ZBTB20: variants seen among roughly 807,000 people sequenced by gnomAD.
The protein encoded by ZBTB20 is zinc finger and BTB domain containing 20, also known as zinc finger and BTB domain-containing protein 20.
A neutral mutation model predicts 56.9 loss-of-function variants in ZBTB20; 9 were observed. The ratio of observed to expected loss-of-function variants is 0.16; its 90% CI spans 0.10 to 0.28. The LOEUF is 0.28. Among genes scored for constraint, ZBTB20 ranks in the 10% least tolerant of loss-of-function variants. The pLI is 1.00. For missense variants in ZBTB20, 655 were observed against 1,003.0 expected, an observed-to-expected ratio of 0.65 and a Z score of 4.69; for synonymous variants, 417 against 420.7, an observed-to-expected ratio of 0.99 and a Z score of 0.11.
intron 6 of ZBTB20, among the ~76,000 whole-genome samples, chr3:114,612,345 C>G (rs1408883530): frequency 6.6e-6 from 1 of 152,090 alleles, no homozygotes; most frequent in Non-Finnish European, 1.5e-5. Flanking sequence ...TTACTAGTCT[C>G]TGCAATAAGA....
At chr3:114,974,646 G>A (rs537751730) in intron 2 of ZBTB20, among the ~76,000 whole-genome samples, 31 of 152,232 alleles carry the variant, frequency 2.0e-4, no homozygotes, top group African/African-American at 6.3e-4. Context: ...GGCATAGCAC[G>A]GTGTTTGCTA....
At chr3:114,667,843 G>A (rs933684462) in intron 6 of ZBTB20, among the ~76,000 whole-genome samples, 1 of 151,836 alleles carries the variant, frequency 6.6e-6, no homozygotes, top group Non-Finnish European at 1.5e-5. Flanking sequence ...ATTAATGAGA[G>A]GTAGCATTAT....
intron 2 of ZBTB20, among the ~76,000 whole-genome samples, chr3:114,993,097 G>T (rs2078886239): frequency 6.6e-6 from 1 of 151,742 alleles, no homozygotes; most frequent in African/African-American, 2.4e-5. Context: ...GCTTTTTTAG[G>T]CAGATAATAT....
intron 6 of ZBTB20, among the ~76,000 whole-genome samples, chr3:114,525,710 T>C (rs2047144610): frequency 6.6e-6 from 1 of 152,206 alleles, no homozygotes; most frequent in South Asian, 2.1e-4. Flanking sequence ...TACAGTATAC[T>C]CAGTAAAAAC....
intron 6 of ZBTB20, among the ~76,000 whole-genome samples, chr3:114,570,063 G>C (rs972653171): frequency 1.3e-5 from 2 of 151,646 alleles, no homozygotes; most frequent in African/African-American, 4.9e-5. Context: ...TAGTATAAAG[G>C]GTATTTCTCA....
At chr3:115,054,142 T>C (rs1377612554) in intron 2 of ZBTB20, among the ~76,000 whole-genome samples, 2 of 152,096 alleles carry the variant, frequency 1.3e-5, no homozygotes, top group Admixed American at 6.6e-5. Flanking sequence ...AGAAAGCCTA[T>C]GACTAAACTT....
At chr3:114,850,424 G>A (rs574397276) in intron 4 of ZBTB20, among the ~76,000 whole-genome samples, 2 of 152,262 alleles carry the variant, frequency 1.3e-5, no homozygotes, top group South Asian at 4.1e-4. Context: ...TAACTAGTAA[G>A]AAACATAGTA....
intron 2 of ZBTB20, among the ~76,000 whole-genome samples, chr3:114,990,371 T>C (rs1044152141): frequency 2.0e-5 from 3 of 152,180 alleles, no homozygotes; most frequent in Admixed American, 6.5e-5. Context: ...CATGTGGTTT[T>C]TGTCTTTGGT....
At chr3:114,988,095 T>C (rs946242821) in intron 2 of ZBTB20, among the ~76,000 whole-genome samples, 3 of 151,198 alleles carry the variant, frequency 2.0e-5, no homozygotes, top group African/African-American at 4.8e-5. Flanking sequence ...CAGTTTCTTT[T>C]TTTTTTTTTT....
chr3:114,538,704 T>C (rs2048764679), intron 6 of ZBTB20, among the ~76,000 whole-genome samples: 1 of 152,156 alleles, frequency 6.6e-6, no homozygotes, highest in Admixed American at 6.5e-5. Flanking sequence ...AGGTCCTGTT[T>C]GTGTCTGAGC....
At chr3:114,611,378 A>C (rs887161537) in intron 6 of ZBTB20, among the ~76,000 whole-genome samples, 18 of 152,158 alleles carry the variant, frequency 1.2e-4, no homozygotes, top group Non-Finnish European at 1.9e-4. Flanking sequence ...CACAAACGGG[A>C]ACACAGAAGA....
At chr3:115,049,998 A>G (rs941004858) in intron 2 of ZBTB20, among the ~76,000 whole-genome samples, 1 of 152,128 alleles carries the variant, frequency 6.6e-6, no homozygotes, top group Non-Finnish European at 1.5e-5. Flanking sequence ...CCAAAAGATT[A>G]TATCATTACA....
At chr3:114,751,361 C>T (rs1162927254) in intron 5 of ZBTB20, among the ~76,000 whole-genome samples, 1 of 152,084 alleles carries the variant, frequency 6.6e-6, no homozygotes, top group Admixed American at 6.6e-5. Flanking sequence ...GTAACTTGTC[C>T]ATGAGCATAT....
intron 6 of ZBTB20, among the ~76,000 whole-genome samples, chr3:114,630,742 A>AC (rs2058895053): frequency 6.6e-6 from 1 of 152,194 alleles, no homozygotes; most frequent in African/African-American, 2.4e-5. Context: ...GCACCCTCAA[A>AC]CCAGCTAGCA....
chr3:114,492,703 A>G (rs1425029958), intron 7 of ZBTB20, among the ~76,000 whole-genome samples: 1 of 152,226 alleles, frequency 6.6e-6, no homozygotes, highest in African/African-American at 2.4e-5. Flanking sequence ...TTAAATTTTT[A>G]ATTTCAAGAT....
chr3:115,085,091 C>T (rs1405188101), intron 1 of ZBTB20, among the ~76,000 whole-genome samples: 2 of 151,940 alleles, frequency 1.3e-5, no homozygotes, highest in Non-Finnish European at 2.9e-5. Context: ...GCCCTCCAAT[C>T]GGTGAAATCT....
intron 4 of ZBTB20, among the ~76,000 whole-genome samples, chr3:114,840,064 A>G (rs2074316245): frequency 6.6e-6 from 1 of 152,196 alleles, no homozygotes; most frequent in South Asian, 2.1e-4. Flanking sequence ...AGGTAATGCA[A>G]TGTAGTAAAA....
chr3:114,988,373 T>TCC (rs2078647739), intron 2 of ZBTB20, among the ~76,000 whole-genome samples: 3 of 151,844 alleles, frequency 2.0e-5, no homozygotes, highest in African/African-American at 7.3e-5. Context: ...GTCCTTGTGA[T>TCC]AGTTTGCTGA....
intron 3 of ZBTB20, among the ~76,000 whole-genome samples, chr3:114,934,762 T>A: frequency 6.6e-6 from 1 of 152,214 alleles, no homozygotes; most frequent in East Asian, 1.9e-4. Flanking sequence ...AGGAATCCAT[T>A]GTTCAGTTAA....
Sources: allele counts gnomAD v4.1 joint callset (sites outside exome capture counted in the v4.1 genomes callset), GRCh38; gene constraint gnomAD v4.1.1; transcripts MANE v1.5; gene names NCBI Gene and HGNC (gene_info 2026-07-23, HGNC 2026-07-21).